MITF: variants seen among roughly 807,000 people sequenced by gnomAD.
MITF encodes melanocyte inducing transcription factor.
Under a neutral mutation model 60.5 loss-of-function variants are expected in MITF, and 17 were observed. That is an observed-to-expected ratio of 0.28 (90% CI 0.19 to 0.42). The LOEUF (loss-of-function observed/expected upper bound fraction) is 0.42. MITF is among the 10% of genes least tolerant of loss of function. The probability of loss-of-function intolerance (pLI) is 1.00; values close to 1 mark genes in which losing one functional copy is unlikely to be tolerated. For synonymous variants in MITF, 260 were observed against 248.5 expected, an observed-to-expected ratio of 1.05 and a Z score of -0.43; for missense variants, 622 against 683.5, an observed-to-expected ratio of 0.91 and a Z score of 1.00.
chr3:69,962,381 G>A (rs2066572330), intron 9 of MITF, among the ~76,000 whole-genome samples: 1 of 152,178 alleles, frequency 6.6e-6, no homozygotes, highest in South Asian at 2.1e-4. Context: ...TGTGTTTCTG[G>A]AGATTATGTA....
At chr3:69,915,610 C>G (rs929502860) in intron 2 of MITF, among the ~76,000 whole-genome samples, 5 of 151,914 alleles carry the variant, frequency 3.3e-5, no homozygotes, top group African/African-American at 1.2e-4. Context: ...TAATAGCTAG[C>G]AACAATAAGC....
chr3:69,824,370 T>G (rs1005623030), intron 1 of MITF, among the ~76,000 whole-genome samples: 1 of 152,184 alleles, frequency 6.6e-6, no homozygotes, highest in Non-Finnish European at 1.5e-5. Context: ...GGGTGTTGGA[T>G]TCTTAGAACT....
intron 1 of MITF, among the ~76,000 whole-genome samples, chr3:69,796,731 C>T (rs898178265): frequency 3.3e-5 from 5 of 151,994 alleles, no homozygotes; most frequent in African/African-American, 1.2e-4. Flanking sequence ...TGGTCTCGAT[C>T]TCCTGACCTC....
chr3:69,796,220 A>G (rs1214542359), intron 1 of MITF, among the ~76,000 whole-genome samples: 1 of 152,146 alleles, frequency 6.6e-6, no homozygotes, highest in East Asian at 1.9e-4. Flanking sequence ...ACCTCAGGTG[A>G]TCTGCCTGCC....
intron 2 of MITF, among the ~76,000 whole-genome samples, chr3:69,902,483 C>T (rs553932251): frequency 1.6e-4 from 25 of 152,208 alleles, no homozygotes; most frequent in African/African-American, 5.8e-4. Flanking sequence ...CATTCTTCAC[C>T]CTTTGATTCT....
rs576050076 is a variant in MITF at position 69,837,961 on chromosome 3, T to C, written c.105-41173T>C. Among the ~76,000 whole-genome samples, 3 of 152,356 alleles carry C rather than the reference T, an allele frequency of 2.0e-5. No individual in the cohort carries two copies. In the East Asian group the frequency reaches 5.8e-4, roughly 29 times the overall value. On this transcript the variant is annotated intron_variant, in intron 1 of 9. Coordinates refer to ENST00000352241, the MANE Select transcript of MITF (RefSeq NM_001354604.2). ...TTTGTGTATACACACTTGCATAATA[T>C]GTACATAGAACGTTCTGGAAGGGTG...
intron 1 of MITF, among the ~76,000 whole-genome samples, chr3:69,818,048 G>A (rs2063209778): frequency 6.6e-6 from 1 of 152,114 alleles, no homozygotes; most frequent in Non-Finnish European, 1.5e-5. Context: ...TCATACTTAG[G>A]TATGAAGTAT....
chr3:69,768,835 A>C (rs182788495), intron 1 of MITF, among the ~76,000 whole-genome samples: 1 of 152,212 alleles, frequency 6.6e-6, no homozygotes, highest in Non-Finnish European at 1.5e-5. Flanking sequence ...ACAAATTCCT[A>C]GGAAGCCATT....
At chr3:69,929,029 T>C (rs1044644330) in intron 2 of MITF, among the ~76,000 whole-genome samples, 1 of 152,334 alleles carries the variant, frequency 6.6e-6, no homozygotes, top group South Asian at 2.1e-4. Flanking sequence ...CTGCCTGGCC[T>C]GAAGACTTAG....
At chr3:69,932,268 G>A (rs976777279) in intron 2 of MITF, among the ~76,000 whole-genome samples, 18 of 152,150 alleles carry the variant, frequency 1.2e-4, no homozygotes, top group Admixed American at 8.5e-4. Flanking sequence ...CAAGGGAGCC[G>A]CCCTGGACAA....
At chr3:69,902,064 A>T (rs2065005652) in intron 2 of MITF, among the ~76,000 whole-genome samples, 4 of 152,174 alleles carry the variant, frequency 2.6e-5, no homozygotes, top group Admixed American at 2.6e-4. Context: ...GGCAGTGGAG[A>T]TGGAACCTTA....
At chr3:69,818,826 GAAGTA>G (rs1209925415) in intron 1 of MITF, among the ~76,000 whole-genome samples, 6 of 152,132 alleles carry the variant, frequency 3.9e-5, no homozygotes, top group Non-Finnish European at 8.8e-5. Flanking sequence ...TTAAATTGGA[GAAGTA>G]AAGTGTTTAC....
At chr3:69,801,512 A>C (rs1405850051) in intron 1 of MITF, among the ~76,000 whole-genome samples, 1 of 152,174 alleles carries the variant, frequency 6.6e-6, no homozygotes, top group Non-Finnish European at 1.5e-5. Context: ...TAACAGTGGA[A>C]TATAGACCGC....
intron 9 of MITF, among the ~76,000 whole-genome samples, chr3:69,962,049 G>A (rs1351396927): frequency 6.6e-6 from 1 of 152,188 alleles, no homozygotes; most frequent in Middle Eastern, 3.2e-3. Flanking sequence ...TTAGAAATCT[G>A]AGTAATGCTT....
rs1703468740 is a variant in MITF at position 69,739,959 on chromosome 3, C to A, written c.104+258C>A. Reference sequence around the variant, plus strand: ...GGACGAAGCGTCCAGGCGCGGGGACCCTCGGCCGAGGATGCCAGCTGCTGA... The same window carrying A: ...GGACGAAGCGTCCAGGCGCGGGGACACTCGGCCGAGGATGCCAGCTGCTGA... On this transcript the variant is annotated intron_variant, in intron 1 of 9. Transcript: ENST00000352241. Among the ~76,000 whole-genome samples, 3 of 152,096 alleles carry A rather than the reference C, an allele frequency of 2.0e-5. No individual in the cohort carries two copies. In the South Asian group the frequency reaches 6.2e-4, roughly 31 times the overall value.
intron 1 of MITF, among the ~76,000 whole-genome samples, chr3:69,763,391 A>G (rs531287741): frequency 1.3e-5 from 2 of 152,310 alleles, no homozygotes; most frequent in African/African-American, 4.8e-5. Context: ...TTTGGAGCCA[A>G]GTAACCTGTT....
At chr3:69,936,380 G>T (rs2065835072) in intron 2 of MITF, among the ~76,000 whole-genome samples, 1 of 152,086 alleles carries the variant, frequency 6.6e-6, no homozygotes, top group Non-Finnish European at 1.5e-5. Context: ...ATCTGACAGT[G>T]AGTTTGACTT....
rs576534954 is a variant in MITF at position 69,870,496 on chromosome 3, G to A, written c.105-8638G>A. 1.3e-4 allele frequency among the ~76,000 whole-genome samples: 19 copies of A among 149,628 alleles called. No homozygotes were observed. The South Asian group carries it at 3.8e-3, about 30-fold the overall frequency. ...TGTCACCAGGCTGGAGTGCAGTGGC[G>A]GGATATCCGCTCACTGCAACCTTCA... is the stretch of plus-strand genomic sequence containing the variant. On this transcript the variant is annotated intron_variant, in intron 1 of 9. Transcript: ENST00000352241.
At chr3:69,743,054 A>T (rs1409670990) in intron 1 of MITF, among the ~76,000 whole-genome samples, 2 of 152,230 alleles carry the variant, frequency 1.3e-5, no homozygotes, top group Admixed American at 6.5e-5. Context: ...CCCAGAGCCT[A>T]GAACAAAGTT....
Sources: allele counts gnomAD v4.1 joint callset (sites outside exome capture counted in the v4.1 genomes callset), GRCh38; gene constraint gnomAD v4.1.1; transcripts MANE v1.5; gene names NCBI Gene and HGNC (gene_info 2026-07-23, HGNC 2026-07-21).